The following STIM2 variants were observed in gnomAD, a reference collection of about 807,000 sequenced individuals.
STIM2 encodes stromal interaction molecule 2.
STIM2 carries 31 observed loss-of-function variants against 85.8 expected under a neutral mutation model. The ratio of observed to expected loss-of-function variants is 0.36; its 90% confidence interval spans 0.27 to 0.49. The LOEUF (loss-of-function observed/expected upper bound fraction) is 0.49, where lower values mean the gene tolerates loss of function less well. STIM2 is among the 20% of genes least tolerant of loss of function. STIM2 has a pLI of 0.98. For synonymous variants in STIM2, 356 were observed against 331.1 expected (o/e 1.08, Z -0.82); for missense variants, 841 against 927.6 (o/e 0.91, Z 1.21).
chr4:26,953,478 T>C (rs530804319), intron 2 of STIM2, among the ~76,000 whole-genome samples: 1 of 152,222 alleles, frequency 6.6e-6, no homozygotes, highest in Admixed American at 6.6e-5. Flanking sequence ...GCAAATGTCT[T>C]ATAGTAAGTA....
At chr4:26,907,728 G>A (rs904361867) in intron 1 of STIM2, among the ~76,000 whole-genome samples, 3 of 152,106 alleles carry the variant, frequency 2.0e-5, no homozygotes, top group African/African-American at 7.2e-5. Flanking sequence ...ACAAAACAGA[G>A]GCTTTCTATT....
At chr4:26,998,086 T>C (rs1425423993) in intron 4 of STIM2, among the ~76,000 whole-genome samples, 2 of 152,218 alleles carry the variant, frequency 1.3e-5, no homozygotes, top group African/African-American at 2.4e-5. Flanking sequence ...AATACTATTA[T>C]AAGGTTTTCT....
At chr4:26,890,950 C>G (rs1156685078) in intron 1 of STIM2, among the ~76,000 whole-genome samples, 2 of 152,134 alleles carry the variant, frequency 1.3e-5, no homozygotes, top group Non-Finnish European at 2.9e-5. Context: ...CACACAGAAG[C>G]TCTATCTGCC....
At chr4:26,868,223 A>G (rs1471032818) in intron 1 of STIM2, among the ~76,000 whole-genome samples, 1 of 152,206 alleles carries the variant, frequency 6.6e-6, no homozygotes, top group South Asian at 2.1e-4. Context: ...TGGCAAGCGC[A>G]GTTTACTTGG....
At chr4:26,869,512 C>G (rs1458563736) in intron 1 of STIM2, among the ~76,000 whole-genome samples, 1 of 151,898 alleles carries the variant, frequency 6.6e-6, no homozygotes, top group Admixed American at 6.6e-5. Flanking sequence ...CTGAAATTGA[C>G]TATTTAAAAA....
intron 10 of STIM2, among the ~76,000 whole-genome samples, chr4:27,013,728 AC>A (rs1051004869): frequency 7.9e-5 from 12 of 152,038 alleles, no homozygotes; most frequent in Non-Finnish European, 1.6e-4. Flanking sequence ...ATTAAGTAAT[AC>A]CTGTAAAACA....
chr4:26,895,752 G>A (rs1424611053), intron 1 of STIM2, among the ~76,000 whole-genome samples: 1 of 152,136 alleles, frequency 6.6e-6, no homozygotes, highest in Non-Finnish European at 1.5e-5. Flanking sequence ...CTAAGTTTCA[G>A]ACAAATTTTA....
intron 1 of STIM2, among the ~76,000 whole-genome samples, chr4:26,887,494 T>C (rs982675461): frequency 1.3e-5 from 2 of 152,174 alleles, no homozygotes; most frequent in African/African-American, 4.8e-5. Context: ...GTTGGGAACT[T>C]ATTGCTCCTG....
At chr4:26,884,229 A>G (rs1723126441) in intron 1 of STIM2, among the ~76,000 whole-genome samples, 1 of 152,204 alleles carries the variant, frequency 6.6e-6, no homozygotes, top group Admixed American at 6.5e-5. Flanking sequence ...AGGAAGGTGA[A>G]AAAAATGAAA....
Position 26,861,257 on chromosome 4 carries a change from C to A in STIM2, c.39C>A (p.Asp13Glu). The A allele has an allele frequency of 6.8e-7, 1 of 1,480,192 alleles. No individual in the cohort carries two copies. The highest frequency in any genetic ancestry group is 8.9e-7 in the Non-Finnish European group (1 of 1,121,758). 91.7% of individuals were successfully genotyped at this position (1,480,192 alleles called of 1,614,324 possible). A position where few individuals can be genotyped will look rare whatever the true frequency, so the allele number is the denominator to read the frequency against. Residue 13 changes from aspartate to glutamate, a missense_variant, in exon 1 of 12, where the codon GAC (aspartate) becomes GAA (glutamate). Asp to Glu is a conservative substitution (Grantham distance 45). This residue lies in a region of STIM2 where 140 missense variants were observed against 117.7 expected (regional missense o/e 1.19). Transcript: ENST00000467087. ...GGCTGCTGGTAGCCGGAGCGGCGGACGGATGCGAGCTTGTGCCCCGGCACC... is the reference window on the plus strand; with the variant it reads ...GGCTGCTGGTAGCCGGAGCGGCGGAAGGATGCGAGCTTGTGCCCCGGCACC...
intron 2 of STIM2, among the ~76,000 whole-genome samples, chr4:26,932,437 T>G (rs189621977): frequency 4.6e-5 from 7 of 152,206 alleles, no homozygotes; most frequent in Non-Finnish European, 8.8e-5. Context: ...TCAGTGACTT[T>G]AACATAACTC....
intron 5 of STIM2, among the ~76,000 whole-genome samples, chr4:27,001,322 T>C (rs953561640): frequency 2.0e-5 from 3 of 152,278 alleles, no homozygotes; most frequent in Admixed American, 1.3e-4. Context: ...AATCAGGAAA[T>C]CTGAATAGTG....
At chr4:26,946,896 T>G (rs1725854149) in intron 2 of STIM2, among the ~76,000 whole-genome samples, 1 of 152,232 alleles carries the variant, frequency 6.6e-6, no homozygotes, top group Non-Finnish European at 1.5e-5. Context: ...CCCTGTATAC[T>G]AGACCTAAGA....
intron 1 of STIM2, among the ~76,000 whole-genome samples, chr4:26,916,022 A>G (rs1724565767): frequency 6.6e-6 from 1 of 152,338 alleles, no homozygotes; most frequent in East Asian, 1.9e-4. Context: ...GGAGAACAAT[A>G]TTGGTAGCAG....
intron 3 of STIM2, among the ~76,000 whole-genome samples, chr4:26,974,153 A>T (rs1727088642): frequency 6.6e-6 from 1 of 152,110 alleles, no homozygotes; most frequent in Non-Finnish European, 1.5e-5. Context: ...GGGTCTCCTA[A>T]ATACAGCACA....
chr4:27,009,580 C>A (rs1022238017), intron 10 of STIM2, among the ~76,000 whole-genome samples: 1 of 152,166 alleles, frequency 6.6e-6, no homozygotes, highest in Non-Finnish European at 1.5e-5. Flanking sequence ...GCTGGTTTTA[C>A]TTCTCTGGTT....
chr4:26,992,886 A>G (rs1577484389), intron 3 of STIM2, among the ~76,000 whole-genome samples: 2 of 152,256 alleles, frequency 1.3e-5, no homozygotes, highest in Non-Finnish European at 2.9e-5. Flanking sequence ...GTTGTTTTAA[A>G]GATTCGTTGT....
chr4:26,951,437 A>G (rs1377228845), intron 2 of STIM2, among the ~76,000 whole-genome samples: 1 of 151,678 alleles, frequency 6.6e-6, no homozygotes. Flanking sequence ...CTCTCCAGGA[A>G]CTCATTTAGG....
chr4:26,956,796 G>A (rs1055123303), intron 2 of STIM2, among the ~76,000 whole-genome samples: 1 of 152,052 alleles, frequency 6.6e-6, no homozygotes, highest in Admixed American at 6.6e-5. Context: ...TGATATTGAG[G>A]CAGTATATTA....
Sources: gnomAD v4.1 joint callset for allele counts (sites outside exome capture counted in the v4.1 genomes callset) on GRCh38, gnomAD v4.1.1 for gene constraint, gnomAD v4.1.1 regional missense constraint, MANE v1.5 for transcripts, NCBI Gene and HGNC (gene_info 2026-07-23, HGNC 2026-07-21) for gene names.